The following DSG4 variants were observed in gnomAD, a reference collection of about 807,000 sequenced individuals.
DSG4 encodes desmoglein-4.
DSG4 carries 87 observed loss-of-function variants against 93.1 expected under a neutral mutation model. The observed-to-expected ratio is 0.93, with a 90% confidence interval of 0.79 to 1.12. DSG4 has a LOEUF of 1.12. DSG4 is among the 50% of genes most tolerant of loss of function. The probability of loss-of-function intolerance (pLI) is 0.00; values close to 1 mark genes in which losing one functional copy is unlikely to be tolerated. For synonymous variants in DSG4, 432 were observed against 452.9 expected, an observed-to-expected ratio of 0.95 and a Z score of 0.59; for missense variants, 1,373 against 1,285.7, an observed-to-expected ratio of 1.07 and a Z score of -1.04.
intron 10 of DSG4, among the ~76,000 whole-genome samples, chr18:31,402,637 GT>G (rs2072380341): frequency 6.6e-6 from 1 of 151,980 alleles, no homozygotes; most frequent in African/African-American, 2.4e-5. Context: ...ACCTAGTAAG[GT>G]ACCCCAGAGA....
intron 11 of DSG4, 58 bp from the exon 12 acceptor site, chr18:31,406,018 AC>A: frequency 1.2e-6 from 2 of 1,602,052 alleles, no homozygotes; most frequent in South Asian, 1.1e-5. Flanking sequence ...AGAGTTAACC[AC>A]CCCCCTAGCC....
chr18:31,394,550 C>G (rs1262452740), intron 8 of DSG4, among the ~76,000 whole-genome samples: 1 of 152,080 alleles, frequency 6.6e-6, no homozygotes. Flanking sequence ...GCACTCCAGC[C>G]TCGGCAACAA....
At chr18:31,412,758 G>C in intron 15 of DSG4, 70 bp from the exon 16 acceptor site, 2 of 1,523,240 alleles carry the variant, frequency 1.3e-6, no homozygotes, top group Non-Finnish European at 1.8e-6. Context: ...TCTCTCTGAG[G>C]GATTGCTGTT....
chr18:31,392,443 A>G lies in DSG4; in HGVS notation c.1005+103A>G, dbSNP rs1312443820. The G allele has an allele frequency of 4.9e-6, 6 of 1,215,790 alleles. No individual in the cohort carries two copies. The South Asian group carries it at 5.2e-5, about 11-fold the overall frequency. 75.3% of individuals were successfully genotyped at this position (1,215,790 alleles called of 1,614,324 possible). On this transcript the variant is annotated intron_variant, in intron 8 of 15. Transcript: ENST00000308128. ...ATCTGCCTTTAAAAAAAAGTACTTC[A>G]TAACTTTGAATATTGTTTATATCAA...
At position 31,392,158 on chromosome 18, in the gene DSG4, T is replaced by C. The variant is rs1275570472; in HGVS notation, c.823T>C (p.Ser275Pro). ...AAAATTGATCCTTGCATTTTAGTAC[T>C]CAGCCAGTATTGAAGAGAATTGTTT... is the stretch of plus-strand genomic sequence containing the variant. ...NFPTLEKTSY[S>P]ASIEENCLSS... Residue 275 changes from serine (S) to proline (P), a missense_variant, in exon 8 of 16, where the codon TCA (serine) becomes CCA (proline). By Grantham distance (74) the Ser-to-Pro change is moderately conservative (BLOSUM62 -1). Coordinates refer to ENST00000308128, the MANE Select transcript of DSG4 (RefSeq NM_177986.5). The C allele has an allele frequency of 1.2e-6, 2 of 1,613,492 alleles. No individual in the cohort carries two copies. The highest frequency in any genetic ancestry group is 1.1e-5 in the South Asian group (1 of 91,058).
At chr18:31,381,451 T>C (rs1941190) in intron 1 of DSG4, among the ~76,000 whole-genome samples, 123,246 of 152,134 alleles carry the variant, frequency 0.81, 50,311 homozygotes, top group East Asian at 0.95. Flanking sequence ...GATGTGAACC[T>C]AAAACTCTTC....
At position 31,411,078 on chromosome 18, in the gene DSG4, G is replaced by T. The variant is rs137874722; in HGVS notation, c.2138-153G>T. Reference sequence around the variant, plus strand: ...TTATTTGGTCAACAAGCCTGGAGATGTATCGGTGTAACTTGTATCTCTCTT... The same window carrying T: ...TTATTTGGTCAACAAGCCTGGAGATTTATCGGTGTAACTTGTATCTCTCTT... On this transcript the variant is annotated intron_variant, in intron 14 of 15. Coordinates refer to ENST00000308128, the MANE Select transcript of DSG4 (RefSeq NM_177986.5). 3,316 of 1,551,262 alleles carry T rather than the reference G, an allele frequency of 2.1e-3. 54 individuals are homozygous for T. The East Asian group carries it at 0.031, about 15-fold the overall frequency.
chr18:31,399,663 G>T, intron 9 of DSG4, 120 bp downstream of exon 9: 2 of 1,302,508 alleles, frequency 1.5e-6, no homozygotes, highest in Non-Finnish European at 2.2e-6. Context: ...TTATTCCTTT[G>T]ATTTAAAAGA....
chr18:31,409,815 A>C lies in DSG4; in HGVS notation c.2137+7A>C. The C allele has an allele frequency of 1.2e-6, 2 of 1,614,174 alleles. No individual in the cohort carries two copies. Among genetic ancestry groups the C allele is most frequent in the Non-Finnish European group, 1.7e-6 (2 of 1,180,026 alleles). The stretch of plus-strand genomic sequence containing the variant: ...GATCGGATGGATTCCTCTGGTCAGT[A>C]GACACCAAAATCTGTTTTTCCTTTT... On this transcript the variant is annotated splice_region_variant and intron_variant, in intron 14 of 15. Coordinates refer to ENST00000308128, the MANE Select transcript of DSG4 (RefSeq NM_177986.5).
At chr18:31,384,793 A>T (rs1276241361) in intron 1 of DSG4, among the ~76,000 whole-genome samples, 1 of 152,082 alleles carries the variant, frequency 6.6e-6, no homozygotes, top group African/African-American at 2.4e-5. Flanking sequence ...AATTCCTCTT[A>T]TCAAACTAGC....
chr18:31,411,103 T>C lies in DSG4; in HGVS notation c.2138-128T>C, dbSNP rs1383694711. 8 of 1,592,714 alleles carry C rather than the reference T, an allele frequency of 5.0e-6. No individual in the cohort carries two copies. In the Admixed American group the frequency reaches 1.1e-4, roughly 21 times the overall value. On this transcript the variant is annotated intron_variant, in intron 14 of 15. Coordinates refer to ENST00000308128, the MANE Select transcript of DSG4 (RefSeq NM_177986.5). ...GTATCGGTGTAACTTGTATCTCTCT[T>C]TGTCAGCTTTTTAGCGCCTACGCCT...
chr18:31,406,223 T>A lies in DSG4; in HGVS notation c.1783T>A (p.Cys595Ser). 2.5e-6 allele frequency: 4 copies of A among 1,614,140 alleles called. No homozygotes were observed. The highest frequency in any genetic ancestry group is 3.4e-6 in the Non-Finnish European group (4 of 1,180,036). The stretch of plus-strand genomic sequence containing the variant: ...CTGTGATTGCGATGACAACCACATG[T>A]GCCTGGACTCTGGTGCCGCGGGCAT... ...YACDCDDNHMCLDSGAAGIYT... is the reference protein window; with the variant it reads ...YACDCDDNHMSLDSGAAGIYT... The change falls in exon 12 of 16, where the codon TGC becomes AGC. Residue 595 changes from cysteine to serine, a missense_variant. By Grantham distance (112) the Cys-to-Ser change is moderately radical. Coordinates refer to ENST00000308128, the MANE Select transcript of DSG4 (RefSeq NM_177986.5).
intron 4 of DSG4, 140 bp from the exon 5 acceptor site, chr18:31,388,734 C>A: frequency 1.5e-6 from 2 of 1,372,016 alleles, no homozygotes; most frequent in Non-Finnish European, 2.0e-6. Context: ...GTGTCCTGAT[C>A]ATATTTAAAT....
At chr18:31,404,686 A>C (rs779776763) in intron 11 of DSG4, among the ~76,000 whole-genome samples, 10 of 152,240 alleles carry the variant, frequency 6.6e-5, no homozygotes, top group Non-Finnish European at 1.3e-4. Context: ...TGTTTTTACC[A>C]TCAAACCTTT....
In DSG4 at chr18:31,406,165, A is replaced by G. The variant is rs780842673; in HGVS notation, c.1725A>G (p.Ala575=). ...PILVKDSYNR[A]CELAQMVQLY... Reference sequence around the variant, plus strand: ...TGGTGAAGGACAGCTATAACAGAGCATGTGAATTGGCACAAATGGTGCAGT... The same window carrying G: ...TGGTGAAGGACAGCTATAACAGAGCGTGTGAATTGGCACAAATGGTGCAGT... The change falls in exon 12 of 16, where the codon GCA becomes GCG. Residue 575 remains alanine, a synonymous_variant. Transcript: ENST00000308128. 6.2e-7 allele frequency: 1 copy of G among 1,614,058 alleles called. No individual in the cohort carries two copies. The highest frequency in any genetic ancestry group is 8.5e-7 in the Non-Finnish European group (1 of 1,180,040).
In DSG4 at chr18:31,388,956, A is replaced by G; in HGVS notation, c.455A>G (p.Asp152Gly). ...AGAGTCAAAGTTATGGACATAAATG[A>G]TAACGCTCCAGTCTTTTCGCAAAGT... ...ELRVKVMDINDNAPVFSQSVY... is the reference protein window; with the variant it reads ...ELRVKVMDINGNAPVFSQSVY... Residue 152 changes from aspartate to glycine, a missense_variant, in exon 5 of 16, where the codon GAT becomes GGT. Coordinates refer to ENST00000308128, the MANE Select transcript of DSG4 (RefSeq NM_177986.5). 2 of 1,613,616 alleles carry G rather than the reference A, an allele frequency of 1.2e-6. No individual in the cohort carries two copies. The highest frequency in any genetic ancestry group is 1.7e-6 in the Non-Finnish European group (2 of 1,179,656).
At chr18:31,392,012 C>T in intron 7 of DSG4, 143 bp from the exon 8 acceptor site, 1 of 701,504 alleles carries the variant, frequency 1.4e-6, no homozygotes, top group Non-Finnish European at 2.4e-6. Flanking sequence ...TCTTATTCTC[C>T]TGATTGGACT....
At chr18:31,385,192 T>C (rs369024462) in intron 2 of DSG4, 21 bp downstream of exon 2, 143 of 1,534,664 alleles carry the variant, frequency 9.3e-5, no homozygotes, top group Middle Eastern at 1.8e-4. Flanking sequence ...ATAAAATTAT[T>C]TTCTCAATTT....
In DSG4 at chr18:31,402,196, C is replaced by A. The variant is rs544782014; in HGVS notation, c.1417+1176C>A. On this transcript the variant is annotated intron_variant, in intron 10 of 15. Coordinates refer to ENST00000308128, the MANE Select transcript of DSG4 (RefSeq NM_177986.5). ...AAAGCTGATTGTTTATTCACCTAAG[C>A]AGAGTGTCTGCACTGGCACAGAGCT... 5.9e-5 allele frequency among the ~76,000 whole-genome samples: 9 copies of A among 152,302 alleles called. 1 individual carries two copies. The South Asian group carries it at 1.9e-3, about 32-fold the overall frequency.
Sources: gnomAD v4.1 joint callset for allele counts (sites outside exome capture counted in the v4.1 genomes callset) on GRCh38, gnomAD v4.1.1 for gene constraint, MANE v1.5 for transcripts, NCBI Gene and HGNC (gene_info 2026-07-23, HGNC 2026-07-21) for gene names.